The following ADGRA3 variants were observed in gnomAD, a reference collection of about 807,000 sequenced individuals.
ADGRA3 encodes adhesion G protein-coupled receptor A3.
ADGRA3 carries 56 observed loss-of-function variants against 119.8 expected under a neutral mutation model. That is an observed-to-expected ratio of 0.47 (90% CI 0.38 to 0.58). The LOEUF (loss-of-function observed/expected upper bound fraction) is 0.58, where lower values mean the gene tolerates loss of function less well. Among genes scored for constraint, ADGRA3 ranks in the 20% least tolerant of loss-of-function variants. ADGRA3 has a pLI of 0.00. For synonymous variants in ADGRA3, 607 were observed against 623.8 expected (o/e 0.97, Z 0.40); for missense variants, 1,516 against 1,649.0 (o/e 0.92, Z 1.40).
chr4:22,402,918 AT>A, intron 14 of ADGRA3, 119 bp from the exon 15 acceptor site: 1 of 927,028 alleles, frequency 1.1e-6, no homozygotes, highest in Non-Finnish European at 1.6e-6. Flanking sequence ...ATGTCTCTTT[AT>A]TTTATTCAGA....
Position 22,388,503 on chromosome 4 carries a change from C to A in ADGRA3, c.3168G>T (p.Ala1056=). ...HCVNREDVRL[A]WIMTCCPGRS... is the part of the protein sequence containing the mutation. ...GTCCTGGGCAGCAAGTCATGATCCA[C>A]GCAAGTCTAACATCCTCCCTATTAA... The change falls in exon 19 of 19, where the codon GCG becomes GCT. Residue 1056 remains alanine, a synonymous_variant. Coordinates refer to ENST00000334304, the MANE Select transcript of ADGRA3 (RefSeq NM_145290.4). 6.2e-7 allele frequency: 1 copy of A among 1,614,054 alleles called. No individual in the cohort carries two copies.
intron 3 of ADGRA3, among the ~76,000 whole-genome samples, chr4:22,459,495 G>T (rs540444966): frequency 1.8e-4 from 27 of 152,008 alleles, no homozygotes; most frequent in South Asian, 2.1e-4. Flanking sequence ...AAAGAAATAG[G>T]TTTTAAACGA....
intron 1 of ADGRA3, among the ~76,000 whole-genome samples, chr4:22,506,238 A>C (rs1168776499): frequency 6.6e-6 from 1 of 152,164 alleles, no homozygotes. Context: ...ATCTGAGGAC[A>C]AGAAATGCTT....
intron 4 of ADGRA3, among the ~76,000 whole-genome samples, chr4:22,453,785 A>T (rs1159922454): frequency 1.3e-5 from 2 of 152,170 alleles, no homozygotes; most frequent in Non-Finnish European, 2.9e-5. Context: ...TACATTTCAA[A>T]ATAAAGCTGT....
At chr4:22,398,167 G>C (rs1438237555) in intron 16 of ADGRA3, 3 of 969,678 alleles carry the variant, frequency 3.1e-6, no homozygotes, top group Non-Finnish European at 3.7e-6. Context: ...ACACAGATGA[G>C]AGGTAATTTC....
At chr4:22,416,496 T>C (rs918653876) in intron 12 of ADGRA3, among the ~76,000 whole-genome samples, 1 of 152,148 alleles carries the variant, frequency 6.6e-6, no homozygotes, top group East Asian at 1.9e-4. Flanking sequence ...CTGAGTCTCA[T>C]CTGTCAAACA....
intron 14 of ADGRA3, 151 bp from the exon 15 acceptor site, chr4:22,402,950 C>T: frequency 1.4e-6 from 1 of 733,910 alleles, no homozygotes; most frequent in Non-Finnish European, 2.1e-6. Context: ...ACGCTATTTT[C>T]CTAACATGTT....
intron 11 of ADGRA3, among the ~76,000 whole-genome samples, chr4:22,421,937 G>A (rs1017376270): frequency 1.6e-5 from 2 of 126,268 alleles, no homozygotes; most frequent in Admixed American, 1.5e-4. Flanking sequence ...CATCTGAAAA[G>A]CAAATTAGGT....
chr4:22,423,214 A>G (rs989854628), intron 11 of ADGRA3, among the ~76,000 whole-genome samples: 3 of 151,926 alleles, frequency 2.0e-5, no homozygotes, highest in African/African-American at 7.3e-5. Flanking sequence ...AAATAAATAA[A>G]TATTGAAAAA....
At chr4:22,501,578 T>C (rs1348949243) in intron 1 of ADGRA3, among the ~76,000 whole-genome samples, 1 of 152,144 alleles carries the variant, frequency 6.6e-6, no homozygotes, top group Non-Finnish European at 1.5e-5. Context: ...GAGCCTGTTA[T>C]TCATTGACTG....
chr4:22,486,898 T>C (rs906272452), intron 1 of ADGRA3, among the ~76,000 whole-genome samples: 2 of 152,190 alleles, frequency 1.3e-5, no homozygotes, highest in Non-Finnish European at 2.9e-5. Flanking sequence ...TGTGTAAATA[T>C]ATATGAGAAT....
At chr4:22,498,310 G>A (rs545543218) in intron 1 of ADGRA3, among the ~76,000 whole-genome samples, 1 of 151,486 alleles carries the variant, frequency 6.6e-6, no homozygotes, top group Admixed American at 6.6e-5. Flanking sequence ...AGGAACTCAG[G>A]GACAAAAAAA....
At chr4:22,515,204 C>A in intron 1 of ADGRA3, 1 of 201,972 alleles carries the variant, frequency 5.0e-6, no homozygotes, top group Non-Finnish European at 1.0e-5. Context: ...AGCTTTAACT[C>A]TGTTGACTGC....
intron 16 of ADGRA3, chr4:22,393,544 A>G (rs1392759742): frequency 6.6e-6 from 1 of 152,130 alleles, no homozygotes; most frequent in African/African-American, 2.4e-5. Context: ...TTGATTTTTA[A>G]ACTGGTATTC....
intron 2 of ADGRA3, 89 bp from the exon 3 acceptor site, chr4:22,461,897 A>G (rs1357406638): frequency 2.6e-6 from 2 of 775,000 alleles, no homozygotes; most frequent in Non-Finnish European, 4.1e-6. Flanking sequence ...CAAAAAAAAC[A>G]AAAGTATAAT....
chr4:22,413,105 A>C (rs537881005), intron 14 of ADGRA3, 77 bp downstream of exon 14: 2 of 1,146,048 alleles, frequency 1.7e-6, no homozygotes, highest in African/African-American at 3.2e-5. Flanking sequence ...AAAACAAAAA[A>C]ACACTTCATT....
Position 22,388,806 on chromosome 4 carries a change from G to A in ADGRA3, c.2865C>T (p.Pro955=). ...CTGCCAATCTCTGTTGCTCCTCCGTGGGCTCCTTAAGCTCATATTTGCGCT... is the reference window on the plus strand; with the variant it reads ...CTGCCAATCTCTGTTGCTCCTCCGTAGGCTCCTTAAGCTCATATTTGCGCT... ...HPERKYELKE[P]TEEQQRLAAN... Residue 955 remains proline, a synonymous_variant, in exon 19 of 19, where the codon CCC becomes CCT. Coordinates refer to ENST00000334304, the MANE Select transcript of ADGRA3 (RefSeq NM_145290.4). The A allele has an allele frequency of 6.2e-7, 1 of 1,613,920 alleles. No individual in the cohort carries two copies. The highest frequency in any genetic ancestry group is 1.1e-5 in the South Asian group (1 of 91,072).
intron 12 of ADGRA3, among the ~76,000 whole-genome samples, chr4:22,419,856 C>T (rs1406418490): frequency 6.6e-6 from 1 of 152,012 alleles, no homozygotes; most frequent in Non-Finnish European, 1.5e-5. Context: ...ACTCTCTTAG[C>T]GCCAATATTA....
At chr4:22,496,431 C>A (rs1577383222) in intron 1 of ADGRA3, among the ~76,000 whole-genome samples, 1 of 152,176 alleles carries the variant, frequency 6.6e-6, no homozygotes, top group African/African-American at 2.4e-5. Context: ...ACTCGGCAAA[C>A]ATTACCTATT....
Sources: allele counts gnomAD v4.1 joint callset (sites outside exome capture counted in the v4.1 genomes callset), GRCh38; gene constraint gnomAD v4.1.1; transcripts MANE v1.5; gene names NCBI Gene and HGNC (gene_info 2026-07-23, HGNC 2026-07-21).